The following SGCZ variants were observed in gnomAD, a reference collection of about 807,000 sequenced individuals.
SGCZ encodes zeta-sarcoglycan.
In SGCZ, 40 loss-of-function variants were observed where a neutral mutation model predicts 41.3. The ratio of observed to expected loss-of-function variants is 0.97; its 90% CI spans 0.75 to 1.26. The LOEUF (loss-of-function observed/expected upper bound fraction) is 1.26. Ranked by LOEUF, SGCZ falls within the 50% of genes most tolerant of loss-of-function variation. The pLI is 0.00. For missense variants in SGCZ, 552 were observed against 369.8 expected, an observed-to-expected ratio of 1.49 and a Z score of -4.04; for synonymous variants, 206 against 137.5, an observed-to-expected ratio of 1.50 and a Z score of -3.49.
chr8:14,626,226 G>C (rs961559126), intron 1 of SGCZ, among the ~76,000 whole-genome samples: 1 of 151,912 alleles, frequency 6.6e-6, no homozygotes, highest in African/African-American at 2.4e-5. Context: ...CGTGTGTCAT[G>C]GTGGTTTGCA....
At chr8:14,383,949 TTTC>T (rs1254866088) in intron 2 of SGCZ, among the ~76,000 whole-genome samples, 2 of 151,854 alleles carry the variant, frequency 1.3e-5, no homozygotes, top group African/African-American at 2.4e-5. Flanking sequence ...TATTTTGAAT[TTTC>T]TTTTTTTTCT....
At chr8:14,718,554 G>A (rs1425007256) in intron 1 of SGCZ, among the ~76,000 whole-genome samples, 4 of 152,060 alleles carry the variant, frequency 2.6e-5, no homozygotes, top group South Asian at 2.1e-4. Context: ...GGCTGTGGAC[G>A]CAAACCCAGG....
chr8:14,115,239 G>A (rs1206627040), intron 5 of SGCZ, among the ~76,000 whole-genome samples: 3 of 151,974 alleles, frequency 2.0e-5, no homozygotes, highest in Non-Finnish European at 4.4e-5. Flanking sequence ...GGCTTCTAGA[G>A]AATCCTGAGT....
At chr8:15,234,361 T>G (rs1294021154) in intron 1 of SGCZ, among the ~76,000 whole-genome samples, 1 of 152,204 alleles carries the variant, frequency 6.6e-6, no homozygotes, top group African/African-American at 2.4e-5. Flanking sequence ...TTTTGGATTT[T>G]TTGATGTTTC....
intron 1 of SGCZ, among the ~76,000 whole-genome samples, chr8:14,769,793 T>TAAAAAAAACAAAAAAAAAAAAAAAAA (rs1800171160): frequency 1.9e-5 from 1 of 52,196 alleles, no homozygotes; most frequent in Non-Finnish European, 3.2e-5. Context: ...AAAACACCAT[T>TAAAAAAAACAAAAAAAAAAAAAAAAA]AAAAAAAAAA....
intron 1 of SGCZ, among the ~76,000 whole-genome samples, chr8:15,098,238 A>T (rs1306358570): frequency 6.6e-6 from 1 of 152,182 alleles, no homozygotes; most frequent in Non-Finnish European, 1.5e-5. Flanking sequence ...AGAAAAAATG[A>T]GAAAGGAAAA....
At chr8:14,213,731 T>G (rs529431114) in intron 4 of SGCZ, among the ~76,000 whole-genome samples, 61 of 152,240 alleles carry the variant, frequency 4.0e-4, no homozygotes, top group African/African-American at 1.4e-3. Context: ...GCTCCATATG[T>G]ATGAATAAAA....
chr8:14,380,080 C>A (rs547004842), intron 2 of SGCZ, among the ~76,000 whole-genome samples: 2 of 152,206 alleles, frequency 1.3e-5, no homozygotes, highest in South Asian at 2.1e-4. Context: ...TATTGCTGAT[C>A]TTATCAGGGC....
intron 1 of SGCZ, among the ~76,000 whole-genome samples, chr8:14,824,022 C>G (rs1297869408): frequency 1.4e-5 from 2 of 147,392 alleles, no homozygotes; most frequent in East Asian, 4.4e-4. Context: ...TATATAGAAT[C>G]TAAAGGGAAA....
intron 1 of SGCZ, among the ~76,000 whole-genome samples, chr8:15,205,304 A>G (rs188422919): frequency 6.6e-6 from 1 of 152,302 alleles, no homozygotes; most frequent in Non-Finnish European, 1.5e-5. Context: ...GGAACTATCA[A>G]CAGAGTAAAC....
At chr8:14,790,913 C>A (rs886144009) in intron 1 of SGCZ, among the ~76,000 whole-genome samples, 1 of 151,752 alleles carries the variant, frequency 6.6e-6, no homozygotes, top group African/African-American at 2.4e-5. Flanking sequence ...CATCTGTAAT[C>A]CTACCCACTC....
intron 1 of SGCZ, among the ~76,000 whole-genome samples, chr8:15,236,053 A>G (rs1802108199): frequency 2.0e-5 from 3 of 152,168 alleles, no homozygotes; most frequent in African/African-American, 7.2e-5. Flanking sequence ...CTTGGCAAAA[A>G]CACAGAAACT....
intron 1 of SGCZ, among the ~76,000 whole-genome samples, chr8:14,576,227 A>G (rs774210601): frequency 1.3e-5 from 2 of 152,208 alleles, no homozygotes; most frequent in Non-Finnish European, 2.9e-5. Context: ...CTATGTCGGC[A>G]TATTGAAAAC....
intron 3 of SGCZ, among the ~76,000 whole-genome samples, chr8:14,263,341 G>C (rs922826124): frequency 1.3e-5 from 2 of 152,042 alleles, no homozygotes; most frequent in African/African-American, 4.8e-5. Context: ...TTGAGGCCAG[G>C]AGTTTGAAAC....
At chr8:14,937,914 G>A (rs1800136713) in intron 1 of SGCZ, among the ~76,000 whole-genome samples, 1 of 151,954 alleles carries the variant, frequency 6.6e-6, no homozygotes, top group Admixed American at 6.6e-5. Context: ...ATAAGACATT[G>A]GATATAATAT....
chr8:15,100,142 A>G (rs1806548749), intron 1 of SGCZ, among the ~76,000 whole-genome samples: 1 of 152,212 alleles, frequency 6.6e-6, no homozygotes, highest in African/African-American at 2.4e-5. Context: ...ATATACAGAC[A>G]GAAAAGAAAG....
chr8:14,380,518 C>A (rs192139323), intron 2 of SGCZ, among the ~76,000 whole-genome samples: 9 of 152,250 alleles, frequency 5.9e-5, no homozygotes, highest in South Asian at 2.1e-4. Context: ...TTGCCTTTTA[C>A]TCTCATCTAA....
chr8:14,483,719 T>C (rs1349336247), intron 2 of SGCZ, among the ~76,000 whole-genome samples: 4 of 152,208 alleles, frequency 2.6e-5, no homozygotes, highest in African/African-American at 9.6e-5. Context: ...TGGGTACGTC[T>C]TGGTTACTTG....
chr8:14,535,930 A>G (rs1210106552), intron 2 of SGCZ, among the ~76,000 whole-genome samples: 2 of 151,846 alleles, frequency 1.3e-5, no homozygotes, highest in Admixed American at 1.3e-4. Flanking sequence ...ACTCTATACT[A>G]TTTTACAAAT....
Sources: allele counts gnomAD v4.1 joint callset (sites outside exome capture counted in the v4.1 genomes callset), GRCh38; gene constraint gnomAD v4.1.1; transcripts MANE v1.5; gene names NCBI Gene and HGNC (gene_info 2026-07-23, HGNC 2026-07-21).